Variants in TASP1 observed in about 807,000 individuals in gnomAD.
TASP1 encodes threonine aspartase 1.
TASP1 carries 16 observed loss-of-function variants against 56.6 expected under a neutral mutation model. The ratio of observed to expected loss-of-function variants is 0.28; its 90% CI spans 0.19 to 0.43. TASP1 has a LOEUF of 0.43. Among genes scored for constraint, TASP1 ranks in the 20% least tolerant of loss-of-function variants. The pLI, the probability that TASP1 is intolerant of heterozygous loss-of-function variation, is 1.00. For missense variants in TASP1, 393 were observed against 511.6 expected (o/e 0.77, Z 2.24); for synonymous variants, 179 against 184.2 (o/e 0.97, Z 0.23).
At chr20:13,368,441 A>G in the TASP1 span, 8 of 152,224 alleles carry the variant, frequency 5.3e-5, no homozygotes, top group East Asian at 1.5e-3. Context: ...GAATTGTTGT[A>G]TAGGTCAAAT....
chr20:13,512,569 A>G (rs925500760), intron 10 of TASP1, among the ~76,000 whole-genome samples: 7 of 151,900 alleles, frequency 4.6e-5, no homozygotes, highest in Non-Finnish European at 1.0e-4. Context: ...TCACTCTGAT[A>G]GTAGTTTTTT....
chr20:13,560,498 T>G (rs1327683459), intron 7 of TASP1, among the ~76,000 whole-genome samples: 2 of 152,184 alleles, frequency 1.3e-5, no homozygotes, highest in African/African-American at 4.8e-5. Context: ...TTTAAAGGGC[T>G]AATTCTCTTA....
intron 11 of TASP1, among the ~76,000 whole-genome samples, chr20:13,457,609 T>A (rs1222142090): frequency 6.6e-6 from 1 of 152,154 alleles, no homozygotes; most frequent in Non-Finnish European, 1.5e-5. Context: ...TTTTTAATTT[T>A]ATTTTATTTT....
At chr20:13,601,639 G>C (rs1236485970) in intron 4 of TASP1, among the ~76,000 whole-genome samples, 2 of 152,100 alleles carry the variant, frequency 1.3e-5, no homozygotes, top group Non-Finnish European at 2.9e-5. Context: ...CTCCTTAAGT[G>C]TGAGGTACCT....
At chr20:13,616,518 A>G (rs1172153936) in intron 4 of TASP1, among the ~76,000 whole-genome samples, 2 of 152,174 alleles carry the variant, frequency 1.3e-5, no homozygotes, top group African/African-American at 2.4e-5. Context: ...CCATTACTAC[A>G]AAGTAAAAGC....
At chr20:13,198,812 TTC>T in the TASP1 span, among the ~76,000 whole-genome samples, 3 of 128,334 alleles carry the variant, frequency 2.3e-5, no homozygotes, top group South Asian at 8.4e-4. Flanking sequence ...CTTTCTTTCT[TTC>T]TTTCTTTCTT....
chr20:13,293,338 T>G, the TASP1 span, among the ~76,000 whole-genome samples: 1 of 152,144 alleles, frequency 6.6e-6, no homozygotes, highest in South Asian at 2.1e-4. Flanking sequence ...AGGTGCAAGG[T>G]GCAAGCTTAC....
chr20:13,398,833 C>T (rs2041637458), intron 13 of TASP1, among the ~76,000 whole-genome samples: 1 of 152,178 alleles, frequency 6.6e-6, no homozygotes, highest in South Asian at 2.1e-4. Flanking sequence ...TCAACCTCCT[C>T]CTCCAGTCGC....
At chr20:13,308,619 T>C in the TASP1 span, among the ~76,000 whole-genome samples, 5 of 152,166 alleles carry the variant, frequency 3.3e-5, no homozygotes, top group Non-Finnish European at 7.3e-5. Flanking sequence ...AAGTTCATAA[T>C]AGAGAATACA....
chr20:13,233,599 A>C, the TASP1 span, among the ~76,000 whole-genome samples: 1 of 150,926 alleles, frequency 6.6e-6, no homozygotes, highest in Non-Finnish European at 1.5e-5. Flanking sequence ...CCATCTCAAA[A>C]AAAAAAAAAA....
chr20:13,377,911 G>A, the TASP1 span, among the ~76,000 whole-genome samples: 14 of 152,170 alleles, frequency 9.2e-5, no homozygotes, highest in African/African-American at 1.2e-4. Flanking sequence ...TGTGGGATCA[G>A]TGATGATATC....
the TASP1 span, among the ~76,000 whole-genome samples, chr20:13,347,926 A>G: frequency 6.6e-6 from 1 of 152,206 alleles, no homozygotes; most frequent in African/African-American, 2.4e-5. Flanking sequence ...GGGGAAAAGA[A>G]ATGAGTGGTA....
the TASP1 span, among the ~76,000 whole-genome samples, chr20:13,313,085 G>A: frequency 3.3e-5 from 5 of 152,042 alleles, no homozygotes; most frequent in African/African-American, 1.2e-4. Flanking sequence ...GTTCTTCTTT[G>A]GGCCCCATCC....
the TASP1 span, among the ~76,000 whole-genome samples, chr20:13,118,135 G>A: frequency 6.6e-6 from 1 of 152,100 alleles, no homozygotes; most frequent in Admixed American, 6.5e-5. Flanking sequence ...GGGATGTTCT[G>A]AAAACTATAA....
At chr20:13,292,353 T>C in the TASP1 span, 1 of 1,510,462 alleles carries the variant, frequency 6.6e-7, no homozygotes, top group Non-Finnish European at 9.1e-7. Flanking sequence ...GATGGAAAAA[T>C]GAGCTCTTGT....
At chr20:13,212,984 G>A in the TASP1 span, among the ~76,000 whole-genome samples, 8 of 152,144 alleles carry the variant, frequency 5.3e-5, no homozygotes, top group Non-Finnish European at 1.0e-4. Context: ...TAGTAAAGAC[G>A]TTAGAACCAG....
intron 11 of TASP1, among the ~76,000 whole-genome samples, chr20:13,435,790 A>C (rs1324032606): frequency 2.0e-5 from 3 of 152,186 alleles, no homozygotes; most frequent in African/African-American, 7.2e-5. Context: ...TCTTCTTCAA[A>C]CATCTGGCAT....
chr20:13,300,025 C>T, the TASP1 span: 2 of 152,376 alleles, frequency 1.3e-5, no homozygotes, highest in Non-Finnish European at 1.5e-5. Context: ...AACATGTAAA[C>T]GCCCACCTTA....
chr20:13,163,276 G>A, the TASP1 span, among the ~76,000 whole-genome samples: 3 of 150,036 alleles, frequency 2.0e-5, no homozygotes, highest in Admixed American at 2.0e-4. Context: ...GCTGAGGCAG[G>A]AGAATCACTT....
Sources: allele counts gnomAD v4.1 joint callset (sites outside exome capture counted in the v4.1 genomes callset), GRCh38; gene constraint gnomAD v4.1.1; transcripts MANE v1.5; gene names NCBI Gene and HGNC (gene_info 2026-07-23, HGNC 2026-07-21).